Variants in SMOC1 observed in about 807,000 individuals in gnomAD.
SMOC1 encodes the protein SPARC-related modular calcium-binding protein 1.
A neutral mutation model predicts 56.3 loss-of-function variants in SMOC1; 22 were observed. That is an observed-to-expected ratio of 0.39 (90% CI 0.28 to 0.56). The LOEUF (loss-of-function observed/expected upper bound fraction) is 0.56. Among genes scored for constraint, SMOC1 ranks in the 20% least tolerant of loss-of-function variants. The pLI, the probability that SMOC1 is intolerant of heterozygous loss-of-function variation, is 0.61. For synonymous variants in SMOC1, 193 were observed against 215.0 expected, an observed-to-expected ratio of 0.90 and a Z score of 0.89; for missense variants, 509 against 565.4, an observed-to-expected ratio of 0.90 and a Z score of 1.01.
chr14:70,028,986 A>G (rs1382049136), intron 11 of SMOC1, among the ~76,000 whole-genome samples: 1 of 152,156 alleles, frequency 6.6e-6, no homozygotes, highest in Non-Finnish European at 1.5e-5. Flanking sequence ...CTCCTCCTCC[A>G]TGAATTCAGT....
chr14:69,885,887 T>C (rs1015417832), intron 1 of SMOC1: 2 of 1,599,662 alleles, frequency 1.3e-6, no homozygotes, highest in Non-Finnish European at 1.7e-6. Flanking sequence ...GTCCAGGGCC[T>C]GGGTGAACTG....
At chr14:69,882,056 C>G (rs1452253067) in intron 1 of SMOC1, among the ~76,000 whole-genome samples, 2 of 152,182 alleles carry the variant, frequency 1.3e-5, no homozygotes, top group African/African-American at 4.8e-5. Context: ...CCGGATACAT[C>G]AGGGGAGTCT....
chr14:69,923,525 C>G (rs921261239), intron 1 of SMOC1, among the ~76,000 whole-genome samples: 5 of 152,196 alleles, frequency 3.3e-5, no homozygotes, highest in Non-Finnish European at 5.9e-5. Flanking sequence ...TTGTCCTGCT[C>G]TGTTCTCTCT....
At chr14:69,902,034 A>G (rs1400392468) in intron 1 of SMOC1, among the ~76,000 whole-genome samples, 1 of 152,222 alleles carries the variant, frequency 6.6e-6, no homozygotes, top group Admixed American at 6.5e-5. Flanking sequence ...GGGTGAATGC[A>G]TGACCCAGGC....
At chr14:69,880,067 A>G (rs1161386766) in intron 1 of SMOC1, among the ~76,000 whole-genome samples, 1 of 151,724 alleles carries the variant, frequency 6.6e-6, no homozygotes, top group Non-Finnish European at 1.5e-5. Context: ...CAAGACCCTC[A>G]GAGGTGCCTC....
chr14:69,978,581 C>A (rs977045212), intron 5 of SMOC1, among the ~76,000 whole-genome samples: 5 of 152,156 alleles, frequency 3.3e-5, no homozygotes, highest in African/African-American at 7.2e-5. Flanking sequence ...CTCATTAGCA[C>A]AAAGCTTTTG....
At chr14:70,002,401 G>A (rs1401859823) in intron 7 of SMOC1, among the ~76,000 whole-genome samples, 2 of 152,086 alleles carry the variant, frequency 1.3e-5, no homozygotes, top group Non-Finnish European at 2.9e-5. Flanking sequence ...GCACAATTTC[G>A]GTGGCTGACT....
At chr14:69,891,662 G>A (rs1351973450) in intron 1 of SMOC1, among the ~76,000 whole-genome samples, 2 of 152,066 alleles carry the variant, frequency 1.3e-5, no homozygotes, top group African/African-American at 4.8e-5. Flanking sequence ...GTTAGTGCTC[G>A]TCTCTGCCCT....
At chr14:70,013,644 C>G (rs1053423288) in intron 10 of SMOC1, among the ~76,000 whole-genome samples, 153 bp downstream of exon 10, 3 of 152,186 alleles carry the variant, frequency 2.0e-5, no homozygotes, top group African/African-American at 7.2e-5. Context: ...ATAGCTTTGA[C>G]CCGCCTTCTG....
At chr14:69,926,753 T>C (rs1885023229) in intron 1 of SMOC1, among the ~76,000 whole-genome samples, 1 of 152,224 alleles carries the variant, frequency 6.6e-6, no homozygotes, top group Non-Finnish European at 1.5e-5. Flanking sequence ...AAATGGCACA[T>C]AGGCTCCAAA....
intron 10 of SMOC1, among the ~76,000 whole-genome samples, chr14:70,021,530 C>T (rs1217310345): frequency 1.3e-5 from 2 of 152,154 alleles, no homozygotes; most frequent in Non-Finnish European, 2.9e-5. Context: ...GGCAGCTCTC[C>T]ACGGCTCCCT....
chr14:69,927,385 A>C (rs968316624), intron 1 of SMOC1, among the ~76,000 whole-genome samples: 2 of 152,184 alleles, frequency 1.3e-5, no homozygotes, highest in African/African-American at 4.8e-5. Flanking sequence ...AGGGCTAAAT[A>C]AGATGGTAGG....
chr14:69,943,162 G>C (rs563639970), intron 1 of SMOC1, among the ~76,000 whole-genome samples: 1 of 152,304 alleles, frequency 6.6e-6, no homozygotes, highest in African/African-American at 2.4e-5. Flanking sequence ...ACAGCTGGAG[G>C]GGGTGTCTGC....
chr14:70,014,059 G>A (rs985690840), intron 10 of SMOC1, among the ~76,000 whole-genome samples: 1 of 152,210 alleles, frequency 6.6e-6, no homozygotes, highest in African/African-American at 2.4e-5. Flanking sequence ...AACCAGCATT[G>A]CTGGCACTCA....
chr14:70,024,858 T>C (rs1885863899), intron 11 of SMOC1, among the ~76,000 whole-genome samples: 1 of 152,296 alleles, frequency 6.6e-6, no homozygotes, highest in East Asian at 1.9e-4. Context: ...AAAAGTATTC[T>C]GGTTTCAGGG....
At chr14:69,983,352 G>T (rs1180756323) in intron 5 of SMOC1, among the ~76,000 whole-genome samples, 1 of 152,234 alleles carries the variant, frequency 6.6e-6, no homozygotes, top group African/African-American at 2.4e-5. Flanking sequence ...CTTACTAAAT[G>T]TCAGGCTTGT....
At chr14:69,888,948 T>TA (rs1374998600) in intron 1 of SMOC1, among the ~76,000 whole-genome samples, 5 of 152,174 alleles carry the variant, frequency 3.3e-5, no homozygotes. Context: ...GTGACCTGCT[T>TA]AAAAACGATG....
intron 1 of SMOC1, among the ~76,000 whole-genome samples, chr14:69,889,194 A>G (rs1026178768): frequency 5.9e-5 from 9 of 152,182 alleles, no homozygotes; most frequent in Non-Finnish European, 1.3e-4. Context: ...GTCCAACCTT[A>G]CCTTCTGCTG....
intron 10 of SMOC1, among the ~76,000 whole-genome samples, chr14:70,020,700 G>A (rs1885684189): frequency 6.6e-6 from 1 of 152,214 alleles, no homozygotes; most frequent in African/African-American, 2.4e-5. Flanking sequence ...TGCACTGGGA[G>A]GCCTTGATGG....
Sources: gnomAD v4.1 joint callset for allele counts (sites outside exome capture counted in the v4.1 genomes callset) on GRCh38, gnomAD v4.1.1 for gene constraint, MANE v1.5 for transcripts, NCBI Gene and HGNC (gene_info 2026-07-23, HGNC 2026-07-21) for gene names.